SMPDL3A: variants seen among roughly 807,000 people sequenced by gnomAD.
SMPDL3A encodes the protein sphingomyelin phosphodiesterase acid like 3A, also known as cyclic GMP-AMP phosphodiesterase SMPDL3A.
A neutral mutation model predicts 38.5 loss-of-function variants in SMPDL3A; 39 were observed. The ratio of observed to expected loss-of-function variants is 1.01; its 90% confidence interval spans 0.78 to 1.32. SMPDL3A has a LOEUF of 1.32. SMPDL3A is among the 40% of genes most tolerant of loss of function. SMPDL3A has a pLI of 0.00. For synonymous variants in SMPDL3A, 180 were observed against 194.3 expected (o/e 0.93, Z 0.61); for missense variants, 502 against 536.2 (o/e 0.94, Z 0.63).
Position 122,809,248 on chromosome 6 carries a change from A to G in SMPDL3A, c.1202A>G (p.Lys401Arg), listed in dbSNP as rs752686219. 9.9e-6 allele frequency: 16 copies of G among 1,614,094 alleles called. No homozygotes were observed. The highest frequency in any genetic ancestry group is 1.3e-5 in the African/African-American group (1 of 74,926). Residue 401 changes from lysine (K) to arginine (R), a missense_variant, in exon 8 of 8, where the codon AAG (lysine) becomes AGG (arginine). Transcript: ENST00000368440. ...AAACAATTTACAATCCTAGACAGTA[A>G]GCAGTTTATAAAATACTACAATTAC... Reference protein sequence around the residue: ...LAKQFTILDSKQFIKYYNYFF... With the variant: ...LAKQFTILDSRQFIKYYNYFF...
intron 5 of SMPDL3A, 76 bp downstream of exon 5, chr6:122,803,909 C>A: frequency 1.7e-6 from 2 of 1,159,336 alleles, no homozygotes; most frequent in Non-Finnish European, 2.5e-6. Context: ...TCGGGGTAGA[C>A]TCCAGTATCA....
chr6:122,798,366 A>T (rs1781320035), intron 3 of SMPDL3A, among the ~76,000 whole-genome samples: 1 of 152,212 alleles, frequency 6.6e-6, no homozygotes. Context: ...TATATGCCTT[A>T]GGTGGCAGGA....
chr6:122,806,406 C>T, intron 7 of SMPDL3A, 49 bp downstream of exon 7: 1 of 1,542,826 alleles, frequency 6.5e-7, no homozygotes, highest in Non-Finnish European at 8.8e-7. Context: ...CATATCTTTG[C>T]AGTTTTCATT....
In SMPDL3A at chr6:122,794,071, A is replaced by G. The variant is rs372793973; in HGVS notation, c.113-1606A>G. 2.2e-4 allele frequency among the ~76,000 whole-genome samples: 33 copies of G among 152,324 alleles called. 1 individual carries two copies. The South Asian group carries it at 5.2e-3, about 24-fold the overall frequency. ...GTATAAACAAACTTGGAAGCCCTTC[A>G]GTATGGGAGTTCAGATTTATTAGCT... On this transcript the variant is annotated intron_variant, in intron 1 of 7. Coordinates refer to ENST00000368440, the MANE Select transcript of SMPDL3A (RefSeq NM_006714.5).
Position 122,803,702 on chromosome 6 carries a change from C to A in SMPDL3A, c.607C>A (p.Leu203Ile). ...ACAGAAAGTTACAACTAATCCAAAC[C>A]TTAGGATCATCAGTCTAAACACAAA... ...YSQKVTTNPN[L>I]RIISLNTNLY... Residue 203 changes from leucine to isoleucine, a missense_variant, in exon 5 of 8, where the codon CTT (leucine) becomes ATT (isoleucine). Leu to Ile is a conservative substitution (Grantham distance 5). Transcript: ENST00000368440. The A allele has an allele frequency of 1.2e-6, 2 of 1,613,648 alleles. No homozygotes were observed.
intron 7 of SMPDL3A, among the ~76,000 whole-genome samples, chr6:122,808,228 A>G (rs990757047): frequency 1.3e-5 from 2 of 152,224 alleles, no homozygotes; most frequent in South Asian, 2.1e-4. Context: ...CACCACGCAT[A>G]CAATGGAGTA....
chr6:122,793,551 T>C (rs1333531853), intron 1 of SMPDL3A, among the ~76,000 whole-genome samples: 4 of 152,232 alleles, frequency 2.6e-5, no homozygotes, highest in Middle Eastern at 3.2e-3. Flanking sequence ...GGGTAAAGTA[T>C]ATCTAAGATG....
intron 7 of SMPDL3A, among the ~76,000 whole-genome samples, chr6:122,808,605 C>CCTTCCTTCCTTCCTTCCTT (rs1562357673): frequency 1.9e-4 from 12 of 64,804 alleles, no homozygotes; most frequent in African/African-American, 4.3e-4. Flanking sequence ...CTCCCTCCCT[C>CCTTCCTTCCTTCCTTCCTT]CCTCCCTTCC....
chr6:122,796,770 T>TGCGTAA, intron 2 of SMPDL3A, 54 bp from the exon 3 acceptor site: 1 of 1,513,208 alleles, frequency 6.6e-7, no homozygotes, highest in South Asian at 1.2e-5. Flanking sequence ...TGCATAAGTC[T>TGCGTAA]AGTAACTCTT....
chr6:122,802,856 A>T (rs1781470336), intron 4 of SMPDL3A, among the ~76,000 whole-genome samples: 1 of 151,972 alleles, frequency 6.6e-6, no homozygotes, highest in African/African-American at 2.4e-5. Context: ...TTGTCATCCC[A>T]GAGGCCCTAG....
Position 122,796,871 on chromosome 6 carries a change from T to C in SMPDL3A, c.374T>C (p.Val125Ala), listed in dbSNP as rs770744241. 6.2e-6 allele frequency: 10 copies of C among 1,613,082 alleles called. No individual in the cohort carries two copies. The change falls in exon 3 of 8, where the codon GTT (valine) becomes GCT (alanine). Residue 125 changes from valine to alanine, a missense_variant. Physicochemically the swap from Val to Ala is moderately conservative, Grantham distance 64 (BLOSUM62 0). Transcript: ENST00000368440. ...GTACCTGAACTCTCAACAGACACTGTTATAAATGTGATCACTAATATGACA... is the reference window on the plus strand; with the variant it reads ...GTACCTGAACTCTCAACAGACACTGCTATAAATGTGATCACTAATATGACA... ...VPVPELSTDTVINVITNMTTT... is the reference protein window; with the variant it reads ...VPVPELSTDTAINVITNMTTT...
intron 4 of SMPDL3A, 63 bp from the exon 5 acceptor site, chr6:122,803,601 C>T: frequency 7.6e-7 from 1 of 1,315,814 alleles, no homozygotes. Context: ...CAGGAATTTG[C>T]TTTCACAATG....
chr6:122,809,069 T>C, intron 7 of SMPDL3A, 22 bp from the exon 8 acceptor site: 1 of 1,592,068 alleles, frequency 6.3e-7, no homozygotes, highest in South Asian at 1.1e-5. Context: ...GAACCAGGTT[T>C]TGTTACTGTT....
intron 5 of SMPDL3A, among the ~76,000 whole-genome samples, chr6:122,804,246 C>T (rs1781529084): frequency 6.6e-6 from 1 of 151,774 alleles, no homozygotes; most frequent in African/African-American, 2.4e-5. Context: ...CTCGGCCTTC[C>T]AAAGTGCTGG....
intron 4 of SMPDL3A, among the ~76,000 whole-genome samples, chr6:122,802,743 T>C (rs943883493): frequency 4.6e-5 from 7 of 152,250 alleles, no homozygotes; most frequent in South Asian, 2.1e-4. Flanking sequence ...AGTTAAACAC[T>C]GGAGTATAAT....
At chr6:122,794,964 A>G (rs1482230742) in intron 1 of SMPDL3A, among the ~76,000 whole-genome samples, 3 of 152,206 alleles carry the variant, frequency 2.0e-5, no homozygotes, top group Non-Finnish European at 4.4e-5. Flanking sequence ...CAATTTTTCT[A>G]CAAGAAGAAT....
intron 6 of SMPDL3A, 101 bp downstream of exon 6, chr6:122,805,190 T>A: frequency 9.9e-7 from 1 of 1,012,230 alleles, no homozygotes; most frequent in Non-Finnish European, 1.4e-6. Context: ...ACGTTTTATT[T>A]AAAAATCTGC....
Position 122,789,404 on chromosome 6 carries a change from G to A in SMPDL3A, c.58G>A (p.Gly20Ser), listed in dbSNP as rs1382440310. Residue 20 changes from glycine to serine, a missense_variant, in exon 1 of 8, where the codon GGC (glycine) becomes AGC (serine). Transcript: ENST00000368440. ...GCTGACTGCCTGGCACTGCCGCTCC[G>A]GCCTCGGGCTGCCCGTGGCGCCCGC... Reference protein sequence around the residue: ...CLLTAWHCRSGLGLPVAPAGG... With the variant: ...CLLTAWHCRSSLGLPVAPAGG... 6 of 1,549,356 alleles carry A rather than the reference G, an allele frequency of 3.9e-6. No homozygotes were observed. Among genetic ancestry groups the A allele is most frequent in the African/African-American group, 2.7e-5 (2 of 73,112 alleles).
Position 122,801,012 on chromosome 6 carries a change from A to G in SMPDL3A, c.472-298A>G, listed in dbSNP as rs150874202. Reference sequence around the variant, plus strand: ...GTGATCCGCCTGCCTTGGCCTCCCAAAGTGCTGGGATTATAGGCATGAGCC... The same window carrying G: ...GTGATCCGCCTGCCTTGGCCTCCCAGAGTGCTGGGATTATAGGCATGAGCC... On this transcript the variant is annotated intron_variant, in intron 3 of 7. Coordinates refer to ENST00000368440, the MANE Select transcript of SMPDL3A (RefSeq NM_006714.5). 5.1e-3 allele frequency among the ~76,000 whole-genome samples: 775 copies of G among 152,242 alleles called. 5 individuals are homozygous for G. Among genetic ancestry groups the G allele is most frequent in the South Asian group, 8.7e-3 (42 of 4,820 alleles).
Sources: allele counts gnomAD v4.1 joint callset (sites outside exome capture counted in the v4.1 genomes callset), GRCh38; gene constraint gnomAD v4.1.1; transcripts MANE v1.5; gene names NCBI Gene and HGNC (gene_info 2026-07-23, HGNC 2026-07-21).